The following DENND1A variants were observed in gnomAD, a reference collection of about 807,000 sequenced individuals.
The protein encoded by DENND1A is DENN domain-containing protein 1A.
A neutral mutation model predicts 113.7 loss-of-function variants in DENND1A; 51 were observed. The ratio of observed to expected loss-of-function variants is 0.45; its 90% CI spans 0.36 to 0.57. DENND1A has a LOEUF of 0.57. DENND1A is among the 20% of genes least tolerant of loss of function. The pLI is 0.00. For missense variants in DENND1A, 1,258 were observed against 1,395.9 expected (o/e 0.90, Z 1.57); for synonymous variants, 565 against 570.8 (o/e 0.99, Z 0.14).
At chr9:123,879,882 G>A (rs1301135862) in intron 1 of DENND1A, among the ~76,000 whole-genome samples, 1 of 152,196 alleles carries the variant, frequency 6.6e-6, no homozygotes, top group African/African-American at 2.4e-5. Flanking sequence ...TTCCCACATA[G>A]CTATATAACC....
intron 13 of DENND1A, among the ~76,000 whole-genome samples, chr9:123,473,967 G>T (rs956664824): frequency 6.6e-6 from 1 of 150,602 alleles, no homozygotes; most frequent in East Asian, 1.9e-4. Context: ...TGTAAAATGG[G>T]GTAACGTTTA....
At chr9:123,564,126 T>C (rs1160851061) in intron 12 of DENND1A, among the ~76,000 whole-genome samples, 1 of 152,230 alleles carries the variant, frequency 6.6e-6, no homozygotes, top group Non-Finnish European at 1.5e-5. Flanking sequence ...GGGGTTCTCA[T>C]GTTGTATAAA....
chr9:123,502,421 T>A (rs1357864984), intron 13 of DENND1A, among the ~76,000 whole-genome samples: 1 of 152,252 alleles, frequency 6.6e-6, no homozygotes, highest in Non-Finnish European at 1.5e-5. Context: ...ATTGTCATTC[T>A]GATTTGATTT....
intron 19 of DENND1A, chr9:123,413,583 G>A: frequency 1.0e-6 from 1 of 985,528 alleles, no homozygotes; most frequent in Middle Eastern, 5.2e-4. Flanking sequence ...CAGCCTGAGG[G>A]GAAAGCGGGT....
intron 8 of DENND1A, among the ~76,000 whole-genome samples, chr9:123,654,295 A>C (rs1337441066): frequency 6.6e-6 from 1 of 152,216 alleles, no homozygotes; most frequent in Non-Finnish European, 1.5e-5. Flanking sequence ...GGAAGTAAAA[A>C]GAAAATAGAA....
intron 5 of DENND1A, among the ~76,000 whole-genome samples, chr9:123,756,572 T>C (rs1191666487): frequency 6.6e-6 from 1 of 152,194 alleles, no homozygotes; most frequent in Admixed American, 6.5e-5. Context: ...TTACAAATGC[T>C]ATGCTTGGTG....
At chr9:123,683,029 C>T (rs539427160) in intron 5 of DENND1A, among the ~76,000 whole-genome samples, 1 of 118,820 alleles carries the variant, frequency 8.4e-6, no homozygotes, top group African/African-American at 4.8e-5. Flanking sequence ...GACAATACGT[C>T]CCCTATCCAC....
At chr9:123,465,817 G>T (rs1178424474) in intron 13 of DENND1A, among the ~76,000 whole-genome samples, 1 of 152,088 alleles carries the variant, frequency 6.6e-6, no homozygotes, top group African/African-American at 2.4e-5. Flanking sequence ...AAATAAAAAT[G>T]TAAATTATAT....
chr9:123,386,317 A>C (rs1331561982), intron 22 of DENND1A, among the ~76,000 whole-genome samples: 1 of 152,110 alleles, frequency 6.6e-6, no homozygotes, highest in Non-Finnish European at 1.5e-5. Context: ...AAGATTTGAC[A>C]TACAGCAAAA....
chr9:123,522,646 C>A (rs1303926919), intron 13 of DENND1A, among the ~76,000 whole-genome samples: 1 of 152,142 alleles, frequency 6.6e-6, no homozygotes, highest in Non-Finnish European at 1.5e-5. Context: ...GACCAGATGC[C>A]CATTTTTATT....
At chr9:123,893,633 C>T (rs1850262731) in intron 1 of DENND1A, among the ~76,000 whole-genome samples, 1 of 152,162 alleles carries the variant, frequency 6.6e-6, no homozygotes, top group African/African-American at 2.4e-5. Context: ...ATTTTATATA[C>T]AGCACCTCAC....
intron 7 of DENND1A, among the ~76,000 whole-genome samples, chr9:123,670,731 G>A (rs1008010227): frequency 6.6e-6 from 1 of 152,230 alleles, no homozygotes; most frequent in African/African-American, 2.4e-5. Flanking sequence ...TTCCAATAGG[G>A]TGTAACTAAG....
intron 9 of DENND1A, among the ~76,000 whole-genome samples, chr9:123,646,538 G>A (rs1410321021): frequency 1.3e-5 from 2 of 152,040 alleles, no homozygotes; most frequent in African/African-American, 4.8e-5. Flanking sequence ...TAATTTCCTT[G>A]AAGGAAACCA....
At chr9:123,459,396 A>G (rs2048368915) in intron 13 of DENND1A, among the ~76,000 whole-genome samples, 1 of 152,198 alleles carries the variant, frequency 6.6e-6, no homozygotes. Flanking sequence ...ACAATAGCAA[A>G]CTGAAATTTT....
intron 1 of DENND1A, among the ~76,000 whole-genome samples, chr9:123,901,800 C>G (rs1564472099): frequency 1.3e-5 from 2 of 151,890 alleles, no homozygotes; most frequent in African/African-American, 4.8e-5. Context: ...GTCAGAAGAT[C>G]GAGACCATCC....
intron 12 of DENND1A, among the ~76,000 whole-genome samples, chr9:123,582,888 A>G (rs1037538559): frequency 5.3e-5 from 8 of 150,940 alleles, no homozygotes; most frequent in Non-Finnish European, 1.0e-4. Context: ...TAGTAGAAAC[A>G]GGGTTTCACC....
At chr9:123,834,746 C>T (rs1170058868) in intron 2 of DENND1A, among the ~76,000 whole-genome samples, 1 of 152,120 alleles carries the variant, frequency 6.6e-6, no homozygotes, top group African/African-American at 2.4e-5. Context: ...AGTAAGTCTA[C>T]AAAGCATTAA....
chr9:123,821,112 C>A (rs1186549572), intron 2 of DENND1A, among the ~76,000 whole-genome samples: 2 of 152,198 alleles, frequency 1.3e-5, no homozygotes, highest in East Asian at 3.8e-4. Context: ...TTATCAAATT[C>A]TTCCATGAAT....
intron 13 of DENND1A, among the ~76,000 whole-genome samples, chr9:123,512,024 C>T (rs969892574): frequency 6.6e-6 from 1 of 152,184 alleles, no homozygotes; most frequent in African/African-American, 2.4e-5. Flanking sequence ...GAGAAGAATA[C>T]AGAGGATCGA....
Sources: gnomAD v4.1 joint callset for allele counts (sites outside exome capture counted in the v4.1 genomes callset) on GRCh38, gnomAD v4.1.1 for gene constraint, MANE v1.5 for transcripts, NCBI Gene and HGNC (gene_info 2026-07-23, HGNC 2026-07-21) for gene names.